Variants in COL14A1 observed in about 807,000 individuals in gnomAD.
The protein encoded by COL14A1 is collagen type XIV alpha 1 chain, also known as collagen alpha-1(XIV) chain.
COL14A1 carries 136 observed loss-of-function variants against 230.3 expected under a neutral mutation model. The observed-to-expected ratio is 0.59, with a 90% CI of 0.51 to 0.68. The LOEUF (loss-of-function observed/expected upper bound fraction) is 0.68. COL14A1 is among the 30% of genes least tolerant of loss of function. The pLI is 0.00. For missense variants in COL14A1, 1,976 were observed against 2,215.8 expected (o/e 0.89, Z 2.17); for synonymous variants, 792 against 784.1 (o/e 1.01, Z -0.17).
Position 120,280,716 on chromosome 8 carries a change from C to A in COL14A1, c.3652C>A (p.Pro1218Thr), listed in dbSNP as rs928653408. 1 of 1,613,130 alleles carries A rather than the reference C, an allele frequency of 6.2e-7. No homozygotes were observed. The highest frequency in any genetic ancestry group is 1.7e-5 in the Admixed American group (1 of 59,866). ...FVCETASATC[P>T]VVHKDGIDLA... ...TTGTTTGTTTGGTTTTCCAGCCTGTCCAGTGGTACACAAGGATGGCATTGA... is the reference window on the plus strand; with the variant it reads ...TTGTTTGTTTGGTTTTCCAGCCTGTACAGTGGTACACAAGGATGGCATTGA... The change falls in exon 30 of 48, where the codon CCA becomes ACA. Residue 1218 changes from proline to threonine, a missense_variant. Physicochemically the swap from Pro to Thr is conservative, Grantham distance 38. Coordinates refer to ENST00000297848, the MANE Select transcript of COL14A1 (RefSeq NM_021110.4).
Position 120,255,275 on chromosome 8 carries a change from G to A in COL14A1, c.2788G>A (p.Val930Ile), listed in dbSNP as rs780352518. The change falls in exon 23 of 48, where the codon GTT (valine) becomes ATT (isoleucine). Residue 930 changes from valine (V) to isoleucine (I), a missense_variant. Physicochemically the swap from Val to Ile is conservative, Grantham distance 29. Coordinates refer to ENST00000297848, the MANE Select transcript of COL14A1 (RefSeq NM_021110.4). ...TGTTACCAATCTCCAAGCCAAACAT[G>A]TTGAAATGACCAGCTTGTGTGCCCA... ...LGVTNLQAKHVEMTSLCAHWQ... is the reference protein window; with the variant it reads ...LGVTNLQAKHIEMTSLCAHWQ... 4.3e-6 allele frequency: 7 copies of A among 1,614,148 alleles called. No homozygotes were observed. The highest frequency in any genetic ancestry group is 1.1e-5 in the South Asian group (1 of 91,082).
intron 40 of COL14A1, among the ~76,000 whole-genome samples, chr8:120,330,918 G>A (rs1586870781): frequency 6.6e-6 from 1 of 151,902 alleles, no homozygotes; most frequent in Admixed American, 6.6e-5. Context: ...CGAGTCTGAC[G>A]AACATGGAGA....
At chr8:120,302,015 G>A (rs1447712670) in intron 36 of COL14A1, among the ~76,000 whole-genome samples, 1 of 152,084 alleles carries the variant, frequency 6.6e-6, no homozygotes, top group African/African-American at 2.4e-5. Flanking sequence ...TTTGAAAAGT[G>A]TCTGTTTATG....
chr8:120,286,686 T>C (rs971050902), intron 33 of COL14A1, among the ~76,000 whole-genome samples: 2 of 152,046 alleles, frequency 1.3e-5, no homozygotes, highest in African/African-American at 2.4e-5. Context: ...ATTTTTTGTA[T>C]TTTTAGTGGA....
intron 5 of COL14A1, among the ~76,000 whole-genome samples, chr8:120,184,224 G>GATTTATTTATTTATTT (rs10689956): frequency 8.3e-4 from 112 of 135,610 alleles, no homozygotes; most frequent in Middle Eastern, 3.7e-3. Context: ...GGGGGGAAGA[G>GATTTATTTATTTATTT]ATTTATTTAT....
At chr8:120,146,503 T>C (rs1165247601) in intron 1 of COL14A1, among the ~76,000 whole-genome samples, 1 of 152,164 alleles carries the variant, frequency 6.6e-6, no homozygotes, top group Non-Finnish European at 1.5e-5. Context: ...TTCTCTGTGC[T>C]CATTTAACTC....
intron 45 of COL14A1, among the ~76,000 whole-genome samples, chr8:120,357,414 T>C (rs1031577): frequency 0.16 from 24,137 of 152,056 alleles, 2,103 homozygotes; most frequent in East Asian, 0.23. Context: ...TCAGAGCCAC[T>C]GATCCAAGAG....
intron 40 of COL14A1, among the ~76,000 whole-genome samples, 184 bp from the exon 41 acceptor site, chr8:120,331,957 G>C (rs1821883294): frequency 6.6e-6 from 1 of 152,112 alleles, no homozygotes; most frequent in Non-Finnish European, 1.5e-5. Context: ...CAATTTAATG[G>C]AGCCAACAGT....
At chr8:120,127,281 CTCCCTGGGGA>C (rs1432305984) in intron 1 of COL14A1, among the ~76,000 whole-genome samples, 1 of 152,234 alleles carries the variant, frequency 6.6e-6, no homozygotes, top group Non-Finnish European at 1.5e-5. Flanking sequence ...TCCTCTCCTT[CTCCCTGGGGA>C]TCCCTGAGCC....
chr8:120,315,811 A>C, intron 39 of COL14A1, 133 bp from the exon 40 acceptor site: 1 of 961,388 alleles, frequency 1.0e-6, no homozygotes, highest in South Asian at 1.5e-5. Flanking sequence ...TCTAAGTCTG[A>C]ATTCTAGGTT....
In COL14A1 at chr8:120,270,119, G is replaced by A. The variant is rs746020222; in HGVS notation, c.3158G>A (p.Ser1053Asn). The change falls in exon 26 of 48, where the codon AGC becomes AAC. Residue 1053 changes from serine to asparagine, a missense_variant. Physicochemically the swap from Ser to Asn is conservative, Grantham distance 46 (BLOSUM62 1). This residue lies in a region of COL14A1 where 1,791 missense variants were observed against 2,019.5 expected (regional missense o/e 0.89). Transcript: ENST00000297848. Reference protein sequence around the residue: ...IGDENFNKIISFLYSTVGALN... With the variant: ...IGDENFNKIINFLYSTVGALN... ...GATGAAAATTTCAATAAGATCATCA[G>A]CTTTCTATACAGCACTGTTGGAGCC... 2 of 1,611,596 alleles carry A rather than the reference G, an allele frequency of 1.2e-6. No individual in the cohort carries two copies. The highest frequency in any genetic ancestry group is 3.3e-5 in the Admixed American group (2 of 59,738).
rs143476114 is a variant in COL14A1, at chr8:120,207,528, G to A, written c.1191+434G>A. On this transcript the variant is annotated intron_variant, in intron 10 of 47. Coordinates refer to ENST00000297848, the MANE Select transcript of COL14A1 (RefSeq NM_021110.4). ...AGTCCTCCAAGGCTTGGAGTTTTCCGGACATTTGTAGGGATTAGTGCAATG... is the reference window on the plus strand; with the variant it reads ...AGTCCTCCAAGGCTTGGAGTTTTCCAGACATTTGTAGGGATTAGTGCAATG... Among the ~76,000 whole-genome samples the A allele has an allele frequency of 1.7e-3, 252 of 152,208 alleles. 3 individuals are homozygous for A. In the Middle Eastern group the frequency reaches 0.075, roughly 45 times the overall value.
intron 34 of COL14A1, among the ~76,000 whole-genome samples, chr8:120,295,605 C>G (rs1270801685): frequency 6.6e-6 from 1 of 151,870 alleles, no homozygotes; most frequent in East Asian, 1.9e-4. Context: ...ATATTTCTGT[C>G]CTCAATACTG....
At chr8:120,287,242 T>C (rs1399285293) in intron 33 of COL14A1, among the ~76,000 whole-genome samples, 1 of 152,154 alleles carries the variant, frequency 6.6e-6, no homozygotes, top group Non-Finnish European at 1.5e-5. Flanking sequence ...CTTGCTTTTT[T>C]TCCTGTTTAA....
At chr8:120,226,108 A>G (rs1319058137) in intron 15 of COL14A1, among the ~76,000 whole-genome samples, 2 of 152,010 alleles carry the variant, frequency 1.3e-5, no homozygotes, top group Non-Finnish European at 2.9e-5. Context: ...GAAGTGTGTA[A>G]GCTCTGAAAC....
intron 35 of COL14A1, among the ~76,000 whole-genome samples, chr8:120,297,871 T>C (rs1000645350): frequency 6.6e-6 from 1 of 152,022 alleles, no homozygotes; most frequent in African/African-American, 2.4e-5. Context: ...AGCTTTTTCT[T>C]GCACCCCTAA....
At chr8:120,239,280 T>G (rs10505378) in intron 19 of COL14A1, among the ~76,000 whole-genome samples, 11,438 of 152,292 alleles carry the variant, frequency 0.075, 978 homozygotes, top group East Asian at 0.4. Context: ...AGCTCATTAC[T>G]TGCATTTCTT....
At chr8:120,208,511 A>G (rs1404534457) in intron 11 of COL14A1, 150 bp downstream of exon 11, 2 of 813,568 alleles carry the variant, frequency 2.5e-6, no homozygotes, top group African/African-American at 3.4e-5. Context: ...GCTATATGTG[A>G]TACTGGTCCA....
intron 4 of COL14A1, among the ~76,000 whole-genome samples, chr8:120,166,872 TTAAG>T: frequency 1.2e-5 from 1 of 85,744 alleles, no homozygotes; most frequent in Non-Finnish European, 2.5e-5. Flanking sequence ...AGAAAAGAAT[TTAAG>T]TGTGTGTGTG....
Sources: allele counts gnomAD v4.1 joint callset (sites outside exome capture counted in the v4.1 genomes callset), GRCh38; gene constraint gnomAD v4.1.1; regional missense constraint gnomAD v4.1.1; transcripts MANE v1.5; gene names NCBI Gene and HGNC (gene_info 2026-07-23, HGNC 2026-07-21).